The following HS3ST4 variants were observed in gnomAD, a reference collection of about 807,000 sequenced individuals.
The protein encoded by HS3ST4 is heparan sulfate glucosamine 3-O-sulfotransferase 4.
HS3ST4 carries 17 observed loss-of-function variants against 29.2 expected under a neutral mutation model. That is an observed-to-expected ratio of 0.58 (90% CI 0.40 to 0.87). The LOEUF (loss-of-function observed/expected upper bound fraction) is 0.87, where lower values mean the gene tolerates loss of function less well. Ranked by LOEUF, HS3ST4 falls within the 40% of genes least tolerant of loss-of-function variation. The probability of loss-of-function intolerance (pLI) is 0.00; values close to 1 mark genes in which losing one functional copy is unlikely to be tolerated. For missense variants in HS3ST4, 627 were observed against 634.5 expected (o/e 0.99, Z 0.13); for synonymous variants, 314 against 285.7 (o/e 1.10, Z -1.00).
intron 1 of HS3ST4, among the ~76,000 whole-genome samples, chr16:26,109,708 T>C (rs1391325206): frequency 9.0e-6 from 1 of 111,404 alleles, no homozygotes; most frequent in East Asian, 2.3e-4. Flanking sequence ...TTTCAACTCA[T>C]ATACTCACTG....
At chr16:26,078,315 G>T (rs1038133946) in intron 1 of HS3ST4, among the ~76,000 whole-genome samples, 17 of 151,966 alleles carry the variant, frequency 1.1e-4, no homozygotes, top group African/African-American at 2.7e-4. Context: ...TAGTTTTTTT[G>T]TGTGTGTATT....
intron 1 of HS3ST4, among the ~76,000 whole-genome samples, chr16:25,808,844 CTATTT>C (rs1184444632): frequency 6.6e-6 from 1 of 151,946 alleles, no homozygotes; most frequent in Non-Finnish European, 1.5e-5. Context: ...AAGCTTATAA[CTATTT>C]TATTTTCTTT....
chr16:26,090,827 C>T (rs1020065268), intron 1 of HS3ST4, among the ~76,000 whole-genome samples: 13 of 152,082 alleles, frequency 8.5e-5, no homozygotes, highest in African/African-American at 3.1e-4. Context: ...CCTGGCCCCA[C>T]CCCTCACCAG....
At chr16:25,812,895 C>A (rs536445675) in intron 1 of HS3ST4, among the ~76,000 whole-genome samples, 23 of 152,150 alleles carry the variant, frequency 1.5e-4, no homozygotes, top group African/African-American at 5.5e-4. Context: ...AAGCAGGATT[C>A]CCACTTTTAA....
rs144222999 is a variant in HS3ST4, at chr16:25,748,407, T to G, written c.734+55256T>G. On this transcript the variant is annotated intron_variant, in intron 1 of 1. Coordinates refer to ENST00000331351, the MANE Select transcript of HS3ST4 (RefSeq NM_006040.3). Reference sequence around the variant, plus strand: ...ATGAAGAACCCCTGGGAAAGTGTAGTGGCAGCTTTTCAGAAACTGCAGAGC... The same window carrying G: ...ATGAAGAACCCCTGGGAAAGTGTAGGGGCAGCTTTTCAGAAACTGCAGAGC... Among the ~76,000 whole-genome samples the G allele has an allele frequency of 1.3e-4, 20 of 152,314 alleles. No individual in the cohort carries two copies. The East Asian group carries it at 3.9e-3, about 29-fold the overall frequency.
intron 1 of HS3ST4, among the ~76,000 whole-genome samples, chr16:26,129,082 G>C (rs935769088): frequency 6.6e-6 from 1 of 152,172 alleles, no homozygotes; most frequent in Non-Finnish European, 1.5e-5. Flanking sequence ...TCTAATCCGG[G>C]TGATTGCTTT....
At chr16:25,740,466 G>A (rs1966644577) in intron 1 of HS3ST4, among the ~76,000 whole-genome samples, 1 of 152,156 alleles carries the variant, frequency 6.6e-6, no homozygotes, top group Admixed American at 6.5e-5. Context: ...AAAGATCCTA[G>A]TTTCTAAGTG....
intron 1 of HS3ST4, among the ~76,000 whole-genome samples, chr16:25,887,691 ATTT>A (rs768447504): frequency 3.3e-5 from 3 of 91,510 alleles, no homozygotes; most frequent in African/African-American, 1.4e-4. Context: ...GCTACACCTG[ATTT>A]TTTTTTTTTT....
intron 1 of HS3ST4, among the ~76,000 whole-genome samples, chr16:26,108,421 T>C (rs1334712880): frequency 6.6e-6 from 1 of 152,196 alleles, no homozygotes; most frequent in Non-Finnish European, 1.5e-5. Flanking sequence ...AACACAAAAC[T>C]ACATCATAAA....
intron 1 of HS3ST4, among the ~76,000 whole-genome samples, chr16:25,890,234 C>A (rs953982845): frequency 6.6e-6 from 1 of 152,160 alleles, no homozygotes; most frequent in Admixed American, 6.5e-5. Context: ...TGGTAAGTAG[C>A]AGAGCCTGTA....
At chr16:26,028,708 T>C (rs1308207859) in intron 1 of HS3ST4, among the ~76,000 whole-genome samples, 3 of 152,098 alleles carry the variant, frequency 2.0e-5, no homozygotes, top group Admixed American at 6.5e-5. Context: ...CATGTGCACT[T>C]CTTCTCTAGG....
At chr16:25,759,396 G>T (rs146377323) in intron 1 of HS3ST4, among the ~76,000 whole-genome samples, 104 of 152,328 alleles carry the variant, frequency 6.8e-4, no homozygotes, top group African/African-American at 2.4e-3. Context: ...ATGAGCAAAA[G>T]AAAACAGCGT....
At chr16:25,764,706 T>C (rs1486640436) in intron 1 of HS3ST4, among the ~76,000 whole-genome samples, 1 of 152,170 alleles carries the variant, frequency 6.6e-6, no homozygotes, top group Non-Finnish European at 1.5e-5. Flanking sequence ...GCTAGCTTGA[T>C]GGATAGGAAA....
chr16:25,806,453 G>A (rs1204779714), intron 1 of HS3ST4, among the ~76,000 whole-genome samples: 2 of 152,066 alleles, frequency 1.3e-5, no homozygotes, highest in Non-Finnish European at 2.9e-5. Flanking sequence ...GACAGTCCAG[G>A]GAGAAGTGGG....
chr16:25,987,618 C>T (rs1465672968), intron 1 of HS3ST4, among the ~76,000 whole-genome samples: 1 of 152,164 alleles, frequency 6.6e-6, no homozygotes, highest in Non-Finnish European at 1.5e-5. Context: ...GAACTTCACC[C>T]TTGGGAGTCT....
intron 1 of HS3ST4, among the ~76,000 whole-genome samples, chr16:25,880,716 G>T (rs1390347702): frequency 6.6e-6 from 1 of 152,166 alleles, no homozygotes; most frequent in Non-Finnish European, 1.5e-5. Flanking sequence ...ATAACTCATG[G>T]AGTGCTTGGG....
chr16:25,808,431 G>T (rs912606399), intron 1 of HS3ST4, among the ~76,000 whole-genome samples: 5 of 152,128 alleles, frequency 3.3e-5, no homozygotes, highest in African/African-American at 1.2e-4. Flanking sequence ...TCAAAAATTT[G>T]TGTGGGTGTA....
chr16:25,709,562 A>C (rs903893066), intron 1 of HS3ST4, among the ~76,000 whole-genome samples: 1 of 152,166 alleles, frequency 6.6e-6, no homozygotes. Flanking sequence ...ACCGGCTTGC[A>C]TGGAGATAGA....
chr16:25,828,225 T>C lies in HS3ST4; in HGVS notation c.734+135074T>C, dbSNP rs189163009. On this transcript the variant is annotated intron_variant, in intron 1 of 1. Coordinates refer to ENST00000331351, the MANE Select transcript of HS3ST4 (RefSeq NM_006040.3). ...TCTTTCTTGCTTGCTTTCTTTCCTT[T>C]CTTTCTTTCTTTCTTTCTCTTTCTT... Among the ~76,000 whole-genome samples, 173 of 81,580 alleles carry C rather than the reference T, an allele frequency of 2.1e-3. 3 individuals carry two copies. Among genetic ancestry groups the C allele is most frequent in the East Asian group, 0.021 (68 of 3,304 alleles). The allele number at this position is 81,580 out of a possible 152,430, so 53.5% of individuals were successfully genotyped here.
Sources: gnomAD v4.1 joint callset for allele counts (sites outside exome capture counted in the v4.1 genomes callset) on GRCh38, gnomAD v4.1.1 for gene constraint, MANE v1.5 for transcripts, NCBI Gene and HGNC (gene_info 2026-07-23, HGNC 2026-07-21) for gene names.